The following MAGI2 variants were observed in gnomAD, a reference collection of about 807,000 sequenced individuals.
The protein encoded by MAGI2 is membrane-associated guanylate kinase, WW and PDZ domain-containing protein 2.
A neutral mutation model predicts 133.3 loss-of-function variants in MAGI2; 35 were observed. The ratio of observed to expected loss-of-function variants is 0.26; its 90% confidence interval spans 0.20 to 0.35. The LOEUF is 0.35. MAGI2 is among the 10% of genes least tolerant of loss of function. The probability of loss-of-function intolerance (pLI) is 1.00; values close to 1 mark genes in which losing one functional copy is unlikely to be tolerated. For synonymous variants in MAGI2, 729 were observed against 710.6 expected, an observed-to-expected ratio of 1.03 and a Z score of -0.41; for missense variants, 1,636 against 1,863.4, an observed-to-expected ratio of 0.88 and a Z score of 2.25.
At chr7:78,129,935 CA>C (rs61675652) in intron 18 of MAGI2, among the ~76,000 whole-genome samples, 9,964 of 57,000 alleles carry the variant, frequency 0.17, 130 homozygotes, top group Non-Finnish European at 0.19. Context: ...AACTCCGCCT[CA>C]AAAAAAAAAA....
rs536806036 is a variant in MAGI2, at chr7:78,538,333, T to C, written c.539-16688A>G. 8.5e-5 allele frequency among the ~76,000 whole-genome samples: 13 copies of C among 152,302 alleles called. No homozygotes were observed. In the East Asian group the frequency reaches 2.5e-3, roughly 29 times the overall value. The stretch of plus-strand genomic sequence containing the variant: ...GGGCTCTCTTTTAGTTCCATATGAA[T>C]TTTAGGTTGTCTTTTCTAGTTCTGT... On this transcript the variant is annotated intron_variant, in intron 3 of 21. Transcript: ENST00000354212.
chr7:79,062,995 C>G (rs1262543474), intron 1 of MAGI2, among the ~76,000 whole-genome samples: 1 of 152,074 alleles, frequency 6.6e-6, no homozygotes, highest in Non-Finnish European at 1.5e-5. Flanking sequence ...TGTATGCTTT[C>G]CTTATGCTGC....
chr7:78,182,564 A>T (rs1584296128), intron 13 of MAGI2, among the ~76,000 whole-genome samples: 1 of 152,146 alleles, frequency 6.6e-6, no homozygotes, highest in Non-Finnish European at 1.5e-5. Flanking sequence ...AGTAGTCTCT[A>T]GGGGAGCCTT....
intron 2 of MAGI2, among the ~76,000 whole-genome samples, chr7:78,905,974 T>C (rs534737111): frequency 1.3e-5 from 2 of 152,212 alleles, no homozygotes; most frequent in Middle Eastern, 3.4e-3. Context: ...TCCTGGACCA[T>C]AGCAGCAAGT....
Position 78,045,122 on chromosome 7 carries a change from G to C in MAGI2, c.3707-25146C>G, listed in dbSNP as rs574630522. 8.5e-5 allele frequency among the ~76,000 whole-genome samples: 13 copies of C among 152,200 alleles called. No homozygotes were observed. The South Asian group carries it at 2.7e-3, about 32-fold the overall frequency. On this transcript the variant is annotated intron_variant, in intron 21 of 21. Coordinates refer to ENST00000354212, the MANE Select transcript of MAGI2 (RefSeq NM_012301.4). ...GCAGAGGTTGCAGTGAGCCGAGATC[G>C]CACCACTGAACTCTAGCCTGGCGAT...
intron 1 of MAGI2, among the ~76,000 whole-genome samples, chr7:79,050,674 C>A (rs1812594239): frequency 6.6e-6 from 1 of 152,178 alleles, no homozygotes; most frequent in Non-Finnish European, 1.5e-5. Context: ...TGAGCCATTG[C>A]ACCCAGCCTC....
intron 10 of MAGI2, chr7:78,251,881 T>A (rs1453127950): frequency 1.3e-5 from 2 of 149,624 alleles, no homozygotes; most frequent in African/African-American, 5.0e-5. Flanking sequence ...AGTGACTCAT[T>A]CCTGTAATCC....
At chr7:79,112,735 T>A (rs1316010759) in intron 1 of MAGI2, among the ~76,000 whole-genome samples, 1 of 152,190 alleles carries the variant, frequency 6.6e-6, no homozygotes, top group East Asian at 1.9e-4. Flanking sequence ...ATTAAGGCCC[T>A]TAAAAATTAT....
At chr7:78,187,357 G>A (rs1376170613) in intron 12 of MAGI2, among the ~76,000 whole-genome samples, 1 of 151,968 alleles carries the variant, frequency 6.6e-6, no homozygotes, top group South Asian at 2.1e-4. Context: ...TTCCTTAAGA[G>A]CATTTACAGA....
At chr7:78,034,831 A>G (rs889370933) in intron 21 of MAGI2, 3 of 152,226 alleles carry the variant, frequency 2.0e-5, no homozygotes, top group Admixed American at 1.3e-4. Context: ...CCCGGCCGAA[A>G]TATCTCACTT....
intron 6 of MAGI2, among the ~76,000 whole-genome samples, chr7:78,436,546 A>G (rs978056711): frequency 3.3e-5 from 5 of 152,192 alleles, no homozygotes; most frequent in Admixed American, 6.5e-5. Context: ...TGCTAAGAAC[A>G]AATAAATTTT....
At chr7:79,119,253 T>A (rs1057416716) in intron 1 of MAGI2, among the ~76,000 whole-genome samples, 1 of 152,152 alleles carries the variant, frequency 6.6e-6, no homozygotes, top group African/African-American at 2.4e-5. Context: ...AATTTATTAT[T>A]TGTAGGGAAT....
chr7:78,190,943 T>C (rs539946404), intron 12 of MAGI2, among the ~76,000 whole-genome samples: 28 of 152,302 alleles, frequency 1.8e-4, no homozygotes, highest in Non-Finnish European at 3.1e-4. Flanking sequence ...TTTTCAAAAT[T>C]GCAAGTAGTG....
chr7:78,559,036 T>C (rs1006426814), intron 3 of MAGI2, among the ~76,000 whole-genome samples: 1 of 148,232 alleles, frequency 6.7e-6, no homozygotes, highest in Non-Finnish European at 1.5e-5. Context: ...TCTCTGGTAA[T>C]AGAGGAAAGG....
intron 2 of MAGI2, among the ~76,000 whole-genome samples, chr7:78,927,636 C>T (rs1412014308): frequency 1.3e-5 from 2 of 151,866 alleles, no homozygotes. Context: ...TTAAAAAAAA[C>T]TCTTTCCTTT....
intron 21 of MAGI2, among the ~76,000 whole-genome samples, chr7:78,045,684 C>T (rs1811346463): frequency 6.6e-6 from 1 of 152,182 alleles, no homozygotes; most frequent in Non-Finnish European, 1.5e-5. Context: ...TCTTTGCCTT[C>T]ATCTGAGATC....
At chr7:78,285,713 A>G (rs1796078337) in intron 9 of MAGI2, 1 of 152,144 alleles carries the variant, frequency 6.6e-6, no homozygotes, top group African/African-American at 2.4e-5. Flanking sequence ...GATACCTGGG[A>G]TCTTGTTACA....
chr7:78,842,479 T>C (rs997000389), intron 2 of MAGI2, among the ~76,000 whole-genome samples: 1 of 152,014 alleles, frequency 6.6e-6, no homozygotes, highest in African/African-American at 2.4e-5. Flanking sequence ...ACTTTAATAA[T>C]ACCTGTATAA....
intron 15 of MAGI2, among the ~76,000 whole-genome samples, chr7:78,164,851 G>A (rs1174551389): frequency 6.6e-6 from 1 of 152,184 alleles, no homozygotes; most frequent in Non-Finnish European, 1.5e-5. Context: ...TGTGCCATTA[G>A]CTTGAATGTC....
Sources: allele counts gnomAD v4.1 joint callset (sites outside exome capture counted in the v4.1 genomes callset), GRCh38; gene constraint gnomAD v4.1.1; transcripts MANE v1.5; gene names NCBI Gene and HGNC (gene_info 2026-07-23, HGNC 2026-07-21).